The following FLNC variants were observed in gnomAD, a reference collection of about 807,000 sequenced individuals.
The protein encoded by FLNC is filamin-C.
A neutral mutation model predicts 254.3 loss-of-function variants in FLNC; 91 were observed. The ratio of observed to expected loss-of-function variants is 0.36; its 90% CI spans 0.30 to 0.43. The LOEUF (loss-of-function observed/expected upper bound fraction) is 0.43, where lower values mean the gene tolerates loss of function less well. Ranked by LOEUF, FLNC falls within the 20% of genes least tolerant of loss-of-function variation. The pLI is 1.00. For synonymous variants in FLNC, 1,430 were observed against 1,577.2 expected (o/e 0.91, Z 2.21); for missense variants, 2,853 against 3,802.6 (o/e 0.75, Z 6.57).
At position 128,830,521 on chromosome 7, in the gene FLNC, G is replaced by A; in HGVS notation, c.-117G>A. 1.2e-6 allele frequency: 1 copy of A among 868,068 alleles called. No individual in the cohort carries two copies. Among genetic ancestry groups the A allele is most frequent in the South Asian group, 1.6e-5 (1 of 62,424 alleles). 53.8% of individuals were successfully genotyped at this position (868,068 alleles called of 1,614,324 possible). ...CGCCAGCCCCGGCGCGAGAGAAGTT[G>A]GAGAGGAGAGCAGCGCAGCGCAGCG... On this transcript the variant is annotated 5_prime_UTR_variant, in exon 1 of 48. Coordinates refer to ENST00000325888, the MANE Select transcript of FLNC (RefSeq NM_001458.5).
At position 128,848,845 on chromosome 7, in the gene FLNC, C is replaced by A. The variant is rs753742681; in HGVS notation, c.4790C>A (p.Thr1597Lys). 1 of 1,614,132 alleles carries A rather than the reference C, an allele frequency of 6.2e-7. No homozygotes were observed. Among genetic ancestry groups the A allele is most frequent in the East Asian group, 2.2e-5 (1 of 44,884 alleles). The change falls in exon 28 of 48, where the codon ACG (threonine) becomes AAG (lysine). Residue 1597 changes from threonine to lysine, a missense_variant. Thr to Lys is a moderately conservative substitution (Grantham distance 78, BLOSUM62 -1). This residue lies in a region of FLNC where 1,573 missense variants were observed against 1,883.5 expected (regional missense o/e 0.84). Transcript: ENST00000325888. The stretch of plus-strand genomic sequence containing the variant: ...AACATCCGGGACAATGGGGATGGCA[C>A]GTACACTGTGTCCTACCTGCCGGAC... Reference protein sequence around the residue: ...KANIRDNGDGTYTVSYLPDMS... With the variant: ...KANIRDNGDGKYTVSYLPDMS...
Position 128,844,919 on chromosome 7 carries a change from G to T in FLNC, c.3454G>T (p.Val1152Leu), listed in dbSNP as rs1396046243. 9 of 1,613,920 alleles carry T rather than the reference G, an allele frequency of 5.6e-6. No individual in the cohort carries two copies. The highest frequency in any genetic ancestry group is 7.6e-6 in the Non-Finnish European group (9 of 1,180,040). The change falls in exon 21 of 48, where the codon GTG becomes TTG. Residue 1152 changes from valine (V) to leucine (L), a missense_variant. Coordinates refer to ENST00000325888, the MANE Select transcript of FLNC (RefSeq NM_001458.5). ...GSPFKATIRPVFDPSKVRASG... is the reference protein window; with the variant it reads ...GSPFKATIRPLFDPSKVRASG... The stretch of plus-strand genomic sequence containing the variant: ...GCCCTTCAAAGCCACCATTCGGCCT[G>T]TGTTTGACCCGAGCAAGGTGCGGGC...
In FLNC at chr7:128,838,490, G is replaced by C. The variant is rs1808195495; in HGVS notation, c.1210+61G>C. The C allele has an allele frequency of 2.5e-6, 4 of 1,600,308 alleles. No homozygotes were observed. The Admixed American group carries it at 5.0e-5, about 20-fold the overall frequency. The stretch of plus-strand genomic sequence containing the variant: ...CCTGACCATGTGGGGCTGTGTGGGG[G>C]TGGGGGGAGGCTGGGACAGGGATGC... On this transcript the variant is annotated intron_variant, in intron 7 of 47. Coordinates refer to ENST00000325888, the MANE Select transcript of FLNC (RefSeq NM_001458.5).
chr7:128,845,382 C>A (rs370481883), intron 21 of FLNC, 127 bp downstream of exon 21: 8 of 797,470 alleles, frequency 1.0e-5, no homozygotes, highest in African/African-American at 3.4e-5. Flanking sequence ...GCTCTCGGAG[C>A]AGCCCCAGAG....
Position 128,857,115 on chromosome 7 carries a change from C to T in FLNC, c.7562-3C>T, listed in dbSNP as rs1358745378. The T allele has an allele frequency of 1.9e-6, 3 of 1,613,910 alleles. No individual in the cohort carries two copies. The highest frequency in any genetic ancestry group is 2.7e-5 in the African/African-American group (2 of 75,036). ...CCTCAGCCTTGCTACCTCTGGCCCC[C>T]AGGTGTGTCATCAGAGTTCATCGTG... On this transcript the variant is annotated splice_region_variant and splice_polypyrimidine_tract_variant and intron_variant, in intron 45 of 47. Coordinates refer to ENST00000325888, the MANE Select transcript of FLNC (RefSeq NM_001458.5). This position sits in a 1 kb window ranked among gnomAD's most constrained non-coding sequence, Gnocchi z 4.5.
rs201028676 is a variant in FLNC, at chr7:128,854,662, G to A, written c.6977G>A (p.Arg2326Gln). 183 of 1,612,576 alleles carry A rather than the reference G, an allele frequency of 1.1e-4. 1 individual carries two copies. The East Asian group carries it at 3.7e-3, about 33-fold the overall frequency. Residue 2326 changes from arginine to glutamine, a missense_variant, in exon 41 of 48, where the codon CGA (arginine) becomes CAA (glutamine). Arg to Gln is a conservative substitution (Grantham distance 43, BLOSUM62 1). Around this residue, in one of 10 missense-constraint regions of FLNC, gnomAD observed 551 missense variants for 835.0 expected, o/e 0.66. Coordinates refer to ENST00000325888, the MANE Select transcript of FLNC (RefSeq NM_001458.5). ...KVRAGGTGLE[R>Q]GVAGVPAEFS... is the part of the protein sequence containing the mutation. ...CGGGCCGGAGGCACAGGGCTGGAGC[G>A]AGGTGTGGCCGGCGTGCCAGGTAAG...
intron 18 of FLNC, 27 bp from the exon 19 acceptor site, chr7:128,843,769 G>A (rs750667035): frequency 5.6e-6 from 9 of 1,602,874 alleles, no homozygotes; most frequent in Non-Finnish European, 3.4e-6. Flanking sequence ...CTTATATCCA[G>A]TTCTGACCTA....
intron 6 of FLNC, 72 bp from the exon 7 acceptor site, chr7:128,838,195 C>T (rs1336783934): frequency 7.1e-6 from 11 of 1,549,520 alleles, no homozygotes; most frequent in Non-Finnish European, 9.8e-6. Context: ...CCTCCTTGGC[C>T]TGGCTGTGCC....
At chr7:128,840,752 G>C (rs201990707) in intron 10 of FLNC, 78 bp downstream of exon 10, 1 of 1,504,714 alleles carries the variant, frequency 6.6e-7, no homozygotes, top group Non-Finnish European at 9.1e-7. Context: ...CTGCGAGGGA[G>C]TTTGAGGGGA....
At position 128,844,886 on chromosome 7, in the gene FLNC, C is replaced by T. The variant is rs369188936; in HGVS notation, c.3421C>T (p.Pro1141Ser). Residue 1141 changes from proline (P) to serine (S), a missense_variant, in exon 21 of 48, where the codon CCT (proline) becomes TCT (serine). Pro to Ser is a moderately conservative substitution (Grantham distance 74). This residue lies in a region of FLNC where 1,573 missense variants were observed against 1,883.5 expected (regional missense o/e 0.84). Coordinates refer to ENST00000325888, the MANE Select transcript of FLNC (RefSeq NM_001458.5). ...INILFAEAHI[P>S]GSPFKATIRP... ...CATCCTGTTTGCTGAGGCCCACATC[C>T]CTGGCTCGCCCTTCAAAGCCACCAT... The T allele has an allele frequency of 6.2e-7, 1 of 1,613,996 alleles. No homozygotes were observed. Among genetic ancestry groups the T allele is most frequent in the Non-Finnish European group, 8.5e-7 (1 of 1,180,052 alleles).
chr7:128,850,718 GA>G (rs1808771219), intron 32 of FLNC, 84 bp from the exon 33 acceptor site: 1 of 1,593,430 alleles, frequency 6.3e-7, no homozygotes, highest in East Asian at 2.3e-5. Context: ...GGTGGCAGCA[GA>G]AGCACTCAGG....
chr7:128,846,976 G>A (rs1367323639), intron 24 of FLNC, 71 bp downstream of exon 24: 1 of 1,571,104 alleles, frequency 6.4e-7, no homozygotes, highest in Non-Finnish European at 8.8e-7. Context: ...CCACAAGGGG[G>A]AAACTGGAAG....
chr7:128,855,610 G>C (rs1809023455), intron 43 of FLNC, among the ~76,000 whole-genome samples: 1 of 152,212 alleles, frequency 6.6e-6, no homozygotes, highest in Admixed American at 6.5e-5. Flanking sequence ...TTGTAAGAAT[G>C]CTAGATGACA....
At position 128,837,261 on chromosome 7, in the gene FLNC, C is replaced by T; in HGVS notation, c.699+4C>T. ...CGACTGGCTTGGGGTGCCCCAGGTA[C>T]ATGCGCAGATGGGGCAGGGGGGAAA... On this transcript the variant is annotated splice_donor_region_variant and intron_variant, in intron 3 of 47. Transcript: ENST00000325888. The T allele has an allele frequency of 6.4e-7, 1 of 1,560,426 alleles. No homozygotes were observed. The highest frequency in any genetic ancestry group is 1.4e-5 in the African/African-American group (1 of 73,802).
At chr7:128,838,165 C>T (rs1420673966) in intron 6 of FLNC, 101 bp downstream of exon 6, 1 of 1,492,512 alleles carries the variant, frequency 6.7e-7, no homozygotes, top group African/African-American at 1.4e-5. Context: ...TGCCCAGAGC[C>T]CCAGCTGCCC....
chr7:128,836,283 C>A lies in FLNC; in HGVS notation c.601+709C>A, dbSNP rs1808089435. Among the ~76,000 whole-genome samples the A allele has an allele frequency of 6.6e-6, 1 of 152,334 alleles. No homozygotes were observed. The highest frequency in any genetic ancestry group is 1.5e-5 in the Non-Finnish European group (1 of 68,020). On this transcript the variant is annotated intron_variant, in intron 2 of 47. Transcript: ENST00000325888. The surrounding 1 kb of genome is among the most constrained non-coding windows in gnomAD (Gnocchi z 6.0). ...AGGTTTTCTCCAGGAGTCACAGCCC[C>A]TCGGGAGAATCCTCCTCCACCCTGG...
chr7:128,843,329 TGG>T lies in FLNC; in HGVS notation c.2641+12_2641+13del. 2 of 1,613,072 alleles carry T rather than the reference TGG, an allele frequency of 1.2e-6. No individual in the cohort carries two copies. Among genetic ancestry groups the T allele is most frequent in the Non-Finnish European group, 1.7e-6 (2 of 1,179,584 alleles). ...GGGCTGAATCGCACAGGTGAGTGTC[TGG>T]GCAGGGGCTGGGACTGGCTCGAGGT... On this transcript the variant is annotated intron_variant, in intron 17 of 47. Transcript: ENST00000325888.
chr7:128,843,603 C>A, intron 18 of FLNC, 26 bp downstream of exon 18: 1 of 1,613,180 alleles, frequency 6.2e-7, no homozygotes, highest in Non-Finnish European at 8.5e-7. Flanking sequence ...CCCATGCTAC[C>A]GCCCGGCCGG....
intron 1 of FLNC, among the ~76,000 whole-genome samples, chr7:128,831,451 C>T (rs1281083757): frequency 2.6e-5 from 4 of 152,214 alleles, no homozygotes; most frequent in Non-Finnish European, 4.4e-5. Flanking sequence ...GAAGACAGGT[C>T]CCCAACCACT....
Sources: allele counts gnomAD v4.1 joint callset (sites outside exome capture counted in the v4.1 genomes callset), GRCh38; gene constraint gnomAD v4.1.1; regional missense constraint gnomAD v4.1.1; non-coding constraint Gnocchi (gnomAD v3.1); transcripts MANE v1.5; gene names NCBI Gene and HGNC (gene_info 2026-07-23, HGNC 2026-07-21).